Variants in ERC1 observed in about 807,000 individuals in gnomAD.
The protein encoded by ERC1 is RAB6 interacting protein 2.
In ERC1, 56 loss-of-function variants were observed where a neutral mutation model predicts 132.0. The ratio of observed to expected loss-of-function variants is 0.42; its 90% CI spans 0.34 to 0.53. ERC1 has a LOEUF of 0.53. ERC1 is among the 20% of genes least tolerant of loss of function. The probability of loss-of-function intolerance (pLI) is 0.03; values close to 1 mark genes in which losing one functional copy is unlikely to be tolerated. For synonymous variants in ERC1, 478 were observed against 476.1 expected, an observed-to-expected ratio of 1.00 and a Z score of -0.05; for missense variants, 1,202 against 1,349.9, an observed-to-expected ratio of 0.89 and a Z score of 1.72.
chr12:1,158,080 G>A (rs1353128658), intron 8 of ERC1, among the ~76,000 whole-genome samples: 2 of 152,166 alleles, frequency 1.3e-5, no homozygotes, highest in African/African-American at 4.8e-5. Flanking sequence ...AGAGTTTATA[G>A]TTTGTGCCTA....
At chr12:1,209,445 A>G (rs996750027) in intron 12 of ERC1, among the ~76,000 whole-genome samples, 8 of 149,270 alleles carry the variant, frequency 5.4e-5, no homozygotes, top group Non-Finnish European at 1.0e-4. Flanking sequence ...GAGATTGGCT[A>G]GTCTGTCACC....
At chr12:1,446,906 G>C (rs1232718988) in intron 18 of ERC1, among the ~76,000 whole-genome samples, 1 of 152,072 alleles carries the variant, frequency 6.6e-6, no homozygotes, top group Non-Finnish European at 1.5e-5. Context: ...TGTAGTCCCA[G>C]CTACTCAGGA....
chr12:1,320,944 G>A lies in ERC1; in HGVS notation c.2780+30932G>A, dbSNP rs183223267. 4.6e-3 allele frequency among the ~76,000 whole-genome samples: 700 copies of A among 152,176 alleles called. 2 individuals carry two copies. The highest frequency in any genetic ancestry group is 0.014 in the African/African-American group (578 of 41,540). On this transcript the variant is annotated intron_variant, in intron 15 of 18. Coordinates refer to ENST00000360905, the MANE Select transcript of ERC1 (RefSeq NM_178040.4). ...TCTTGATCTCCTGACCTCGTGATCC[G>A]CCTGCCTCAGCTTCCCAAAGTACTG...
chr12:1,465,597 A>C (rs747529796), intron 18 of ERC1, among the ~76,000 whole-genome samples: 1 of 152,238 alleles, frequency 6.6e-6, no homozygotes, highest in Non-Finnish European at 1.5e-5. Context: ...GCCCAGGTGT[A>C]AAATCAGACA....
intron 17 of ERC1, among the ~76,000 whole-genome samples, chr12:1,413,939 T>G (rs1396083974): frequency 6.6e-6 from 1 of 152,186 alleles, no homozygotes; most frequent in African/African-American, 2.4e-5. Context: ...CAACGGGGGC[T>G]TGGGGAAGAT....
At chr12:1,056,084 TA>T (rs60332254) in intron 2 of ERC1, among the ~76,000 whole-genome samples, 33,077 of 145,186 alleles carry the variant, frequency 0.23, 4,040 homozygotes, top group Middle Eastern at 0.28. Context: ...TTTTTTTTTT[TA>T]AAAAAAAGGT....
intron 12 of ERC1, among the ~76,000 whole-genome samples, chr12:1,191,728 G>A (rs1249517746): frequency 3.3e-5 from 5 of 151,992 alleles, no homozygotes; most frequent in African/African-American, 9.7e-5. Context: ...AGTTGTAAAT[G>A]ATCTACTCTT....
At chr12:1,418,642 TC>T (rs1565396303) in intron 17 of ERC1, among the ~76,000 whole-genome samples, 24 of 105,586 alleles carry the variant, frequency 2.3e-4, no homozygotes, top group African/African-American at 1.0e-3. Context: ...TTTCTTTCTT[TC>T]TCTCTCTCTC....
intron 8 of ERC1, among the ~76,000 whole-genome samples, chr12:1,142,866 CT>C (rs1949978346): frequency 6.6e-6 from 1 of 152,062 alleles, no homozygotes; most frequent in African/African-American, 2.4e-5. Flanking sequence ...AAAATTAGTT[CT>C]TTTGTCCGAT....
intron 13 of ERC1, among the ~76,000 whole-genome samples, chr12:1,237,960 C>T (rs948537398): frequency 6.6e-6 from 1 of 152,176 alleles, no homozygotes; most frequent in African/African-American, 2.4e-5. Flanking sequence ...ACAACAAATT[C>T]TTTTAACATA....
At chr12:1,186,206 T>C (rs1218788692) in intron 11 of ERC1, among the ~76,000 whole-genome samples, 1 of 152,264 alleles carries the variant, frequency 6.6e-6, no homozygotes, top group Non-Finnish European at 1.5e-5. Flanking sequence ...TTTAAGGGAC[T>C]AAATATGTTT....
At chr12:1,100,818 T>C (rs954046749) in intron 3 of ERC1, among the ~76,000 whole-genome samples, 3 of 152,098 alleles carry the variant, frequency 2.0e-5, no homozygotes, top group Non-Finnish European at 4.4e-5. Flanking sequence ...GAGGTAAACA[T>C]TTGGGAGTTA....
intron 16 of ERC1, among the ~76,000 whole-genome samples, chr12:1,405,353 A>G (rs1222531774): frequency 4.6e-5 from 7 of 151,404 alleles, no homozygotes; most frequent in Admixed American, 1.3e-4. Flanking sequence ...ATGTGCTTAC[A>G]TTATTAGGTG....
At chr12:1,325,310 T>G (rs1438410483) in intron 15 of ERC1, among the ~76,000 whole-genome samples, 2 of 152,176 alleles carry the variant, frequency 1.3e-5, no homozygotes, top group African/African-American at 4.8e-5. Flanking sequence ...GATGATAAAT[T>G]TCAAGGAACC....
chr12:1,295,381 C>T (rs2079839583), intron 15 of ERC1, among the ~76,000 whole-genome samples: 1 of 152,032 alleles, frequency 6.6e-6, no homozygotes, highest in Admixed American at 6.6e-5. Context: ...GCACAGTATA[C>T]TGAGGAGAAG....
At chr12:1,373,384 A>G (rs1279068197) in intron 16 of ERC1, among the ~76,000 whole-genome samples, 1 of 152,244 alleles carries the variant, frequency 6.6e-6, no homozygotes, top group African/African-American at 2.4e-5. Context: ...TTCACTTAAG[A>G]CACCAAATAG....
intron 3 of ERC1, among the ~76,000 whole-genome samples, chr12:1,098,908 G>A (rs575168466): frequency 3.2e-4 from 49 of 152,212 alleles, no homozygotes; most frequent in Non-Finnish European, 6.2e-4. Context: ...TTAGAAGGAA[G>A]AACCTGTGAA....
chr12:1,483,473 A>G (rs917649860), intron 18 of ERC1, among the ~76,000 whole-genome samples: 2 of 152,122 alleles, frequency 1.3e-5, no homozygotes, highest in African/African-American at 4.8e-5. Flanking sequence ...GATATTTTAT[A>G]CACTTCAATT....
chr12:1,423,133 C>T (rs1384694608), intron 17 of ERC1, among the ~76,000 whole-genome samples: 1 of 152,186 alleles, frequency 6.6e-6, no homozygotes, highest in Non-Finnish European at 1.5e-5. Context: ...TACCTAGGGG[C>T]TTTCCAATAC....
Sources: gnomAD v4.1 joint callset for allele counts (sites outside exome capture counted in the v4.1 genomes callset) on GRCh38, gnomAD v4.1.1 for gene constraint, MANE v1.5 for transcripts, NCBI Gene and HGNC (gene_info 2026-07-23, HGNC 2026-07-21) for gene names.